The following SHISA9 variants were observed in gnomAD, a reference collection of about 807,000 sequenced individuals.
SHISA9 encodes protein shisa-9.
A neutral mutation model predicts 38.0 loss-of-function variants in SHISA9; 13 were observed. The ratio of observed to expected loss-of-function variants is 0.34; its 90% confidence interval spans 0.22 to 0.54. SHISA9 has a LOEUF of 0.54. SHISA9 is among the 20% of genes least tolerant of loss of function. The pLI, the probability that SHISA9 is intolerant of heterozygous loss-of-function variation, is 0.91. For synonymous variants in SHISA9, 275 were observed against 242.0 expected (o/e 1.14, Z -1.27); for missense variants, 538 against 575.8 (o/e 0.93, Z 0.67).
At chr16:13,386,733 A>G in the SHISA9 span, among the ~76,000 whole-genome samples, 2 of 152,202 alleles carry the variant, frequency 1.3e-5, no homozygotes, top group South Asian at 2.1e-4. Context: ...TTTCTGCAGC[A>G]ATATGTTTTA....
intron 3 of SHISA9, among the ~76,000 whole-genome samples, chr16:13,211,473 G>T (rs1394553785): frequency 1.3e-5 from 2 of 151,920 alleles, no homozygotes; most frequent in Non-Finnish European, 2.9e-5. Flanking sequence ...CATACACTTG[G>T]TTATCCACAT....
chr16:13,292,427 T>G, the SHISA9 span, among the ~76,000 whole-genome samples: 1 of 152,202 alleles, frequency 6.6e-6, no homozygotes, highest in Non-Finnish European at 1.5e-5. Flanking sequence ...TATGTTTTTC[T>G]GATCCTTTTA....
intron 2 of SHISA9, among the ~76,000 whole-genome samples, chr16:13,074,690 G>C (rs1596630296): frequency 6.8e-6 from 1 of 146,872 alleles, no homozygotes; most frequent in South Asian, 2.2e-4. Flanking sequence ...TTGAGGTGGA[G>C]TTTTGCTGTT....
rs77632003 is a variant in SHISA9, at chr16:12,959,192, T to C, written c.691+42377T>C. On this transcript the variant is annotated intron_variant, in intron 2 of 4. Coordinates refer to ENST00000558583, the MANE Select transcript of SHISA9 (RefSeq NM_001145204.3). ...TCTGTGCCTGGTTAATCATAGATGC[T>C]CCATAAATATTTTACTGGATTAATA... Among the ~76,000 whole-genome samples the C allele has an allele frequency of 9.9e-3, 1,509 of 152,312 alleles. 5 individuals carry two copies. Among genetic ancestry groups the C allele is most frequent in the East Asian group, 0.029 (148 of 5,188 alleles).
At chr16:13,298,369 C>A in the SHISA9 span, among the ~76,000 whole-genome samples, 1 of 152,076 alleles carries the variant, frequency 6.6e-6, no homozygotes, top group East Asian at 1.9e-4. Context: ...TACTAATTAT[C>A]AATATCAATA....
intron 2 of SHISA9, among the ~76,000 whole-genome samples, chr16:12,975,355 A>G (rs1159783545): frequency 1.3e-5 from 2 of 151,954 alleles, no homozygotes; most frequent in Non-Finnish European, 2.9e-5. Context: ...ATACAAAAAA[A>G]TAGCTAGGTG....
chr16:13,199,829 A>G (rs932692093), intron 2 of SHISA9, among the ~76,000 whole-genome samples: 6 of 152,152 alleles, frequency 3.9e-5, no homozygotes, highest in African/African-American at 1.4e-4. Flanking sequence ...TTCCATGGCC[A>G]GGGGTCTGAA....
intron 2 of SHISA9, among the ~76,000 whole-genome samples, chr16:13,046,474 T>C (rs2073189858): frequency 6.6e-6 from 1 of 152,198 alleles, no homozygotes; most frequent in Non-Finnish European, 1.5e-5. Context: ...TTAGTCCTCT[T>C]TTCTCATCTT....
Position 12,968,189 on chromosome 16 carries a change from CAAAAAAAAAAAAAAAAA to C in SHISA9, c.691+51395_691+51411del, listed in dbSNP as rs200194973. Reference sequence around the variant, plus strand: ...TGGGTGACAGAGGAAGGCTCCATCTCAAAAAAAAAAAAAAAAAAAAAAAAAAAAAAAAAAAAATCCAG... The same window carrying C: ...TGGGTGACAGAGGAAGGCTCCATCTCAAAAAAAAAAAAAAAAAAAATCCAG... On this transcript the variant is annotated intron_variant, in intron 2 of 4. Coordinates refer to ENST00000558583, the MANE Select transcript of SHISA9 (RefSeq NM_001145204.3). 1.7e-3 allele frequency among the ~76,000 whole-genome samples: 137 copies of C among 82,046 alleles called. 6 individuals are homozygous for C. The South Asian group carries it at 0.05, about 30-fold the overall frequency. The allele number at this position is 82,046 out of a possible 152,430, so 53.8% of individuals were successfully genotyped here.
chr16:13,114,532 A>C (rs536559575), intron 2 of SHISA9, among the ~76,000 whole-genome samples: 1 of 151,064 alleles, frequency 6.6e-6, no homozygotes, highest in African/African-American at 2.4e-5. Flanking sequence ...CCAGGTCCCC[A>C]CTACCTCAAA....
chr16:13,140,004 C>A (rs894409988), intron 2 of SHISA9, among the ~76,000 whole-genome samples: 28 of 152,004 alleles, frequency 1.8e-4, no homozygotes, highest in Non-Finnish European at 3.2e-4. Flanking sequence ...TGGCTTTTGA[C>A]CCTCGGTCAT....
chr16:13,405,253 C>T, the SHISA9 span, among the ~76,000 whole-genome samples: 1 of 152,128 alleles, frequency 6.6e-6, no homozygotes, highest in East Asian at 1.9e-4. Context: ...GCAAAAGAAA[C>T]CCAGTCCTAG....
the SHISA9 span, among the ~76,000 whole-genome samples, chr16:13,379,822 A>G: frequency 6.6e-6 from 1 of 152,128 alleles, no homozygotes; most frequent in Non-Finnish European, 1.5e-5. Context: ...AAAGGAGCTA[A>G]TTCTGTCAAA....
At chr16:13,562,290 G>A in the SHISA9 span, among the ~76,000 whole-genome samples, 3 of 152,110 alleles carry the variant, frequency 2.0e-5, no homozygotes, top group Non-Finnish European at 2.9e-5. Flanking sequence ...TGATACAGTG[G>A]CCTGATTTAG....
the SHISA9 span, chr16:13,474,087 C>G: frequency 6.6e-6 from 1 of 152,208 alleles, no homozygotes; most frequent in Non-Finnish European, 1.5e-5. Context: ...GAGCACTAGA[C>G]TGACTTCTTG....
the SHISA9 span, among the ~76,000 whole-genome samples, chr16:13,431,850 C>T: frequency 0.035 from 5,362 of 152,252 alleles, 319 homozygotes; most frequent in African/African-American, 0.12. Flanking sequence ...CACCTGAGGT[C>T]AGGAGTTCGA....
intron 2 of SHISA9, among the ~76,000 whole-genome samples, chr16:13,044,850 T>C (rs140056380): frequency 2.2e-4 from 33 of 152,340 alleles, no homozygotes; most frequent in South Asian, 4.1e-4. Flanking sequence ...CTCTCTACTC[T>C]TTGCATGTTT....
At chr16:13,358,417 G>A in the SHISA9 span, among the ~76,000 whole-genome samples, 1 of 152,094 alleles carries the variant, frequency 6.6e-6, no homozygotes, top group African/African-American at 2.4e-5. Flanking sequence ...GCTGTGTGAT[G>A]TTCCCTTCGC....
intron 2 of SHISA9, among the ~76,000 whole-genome samples, chr16:13,196,620 G>C (rs1171782693): frequency 6.6e-6 from 1 of 152,130 alleles, no homozygotes; most frequent in African/African-American, 2.4e-5. Context: ...CTCAAATAAA[G>C]TGTGGGCTTT....
Sources: gnomAD v4.1 joint callset for allele counts (sites outside exome capture counted in the v4.1 genomes callset) on GRCh38, gnomAD v4.1.1 for gene constraint, MANE v1.5 for transcripts, NCBI Gene and HGNC (gene_info 2026-07-23, HGNC 2026-07-21) for gene names.